GNGT1: variants seen among roughly 807,000 people sequenced by gnomAD.
The protein encoded by GNGT1 is guanine nucleotide-binding protein G(T) subunit gamma-T1.
In GNGT1, 4 loss-of-function variants were observed where a neutral mutation model predicts 7.4. That is an observed-to-expected ratio of 0.54 (90% CI 0.27 to 1.24). The LOEUF (loss-of-function observed/expected upper bound fraction) is 1.24. Among genes scored for constraint, GNGT1 ranks in the 50% most tolerant of loss-of-function variants. The pLI is 0.12. For missense variants in GNGT1, 95 were observed against 82.4 expected (o/e 1.15, Z -0.59); for synonymous variants, 37 against 30.2 (o/e 1.23, Z -0.74).
Position 93,911,100 on chromosome 7 carries a change from C to T in GNGT1, c.*182C>T. 2.8e-6 allele frequency: 1 copy of T among 354,744 alleles called. No individual in the cohort carries two copies. The highest frequency in any genetic ancestry group is 5.1e-6 in the Non-Finnish European group (1 of 194,874). The allele number at this position is 354,744 out of a possible 1,614,324, so 22.0% of individuals were successfully genotyped here. On this transcript the variant is annotated 3_prime_UTR_variant, in exon 3 of 3. Transcript: ENST00000248572. Reference sequence around the variant, plus strand: ...ACCCATCATTCTATGTTTTTCTTAACATAGCTGGCACAGGGTTTAACACAT... The same window carrying T: ...ACCCATCATTCTATGTTTTTCTTAATATAGCTGGCACAGGGTTTAACACAT...
In GNGT1 at chr7:93,906,608, T is replaced by C; in HGVS notation, c.-48T>C. ...AGAGCTCATATGAAATTGGTTATCG[T>C]GGGATATTTAAAATAAAACAAAGAA... is the stretch of plus-strand genomic sequence containing the variant. On this transcript the variant is annotated 5_prime_UTR_variant, in exon 1 of 3. Coordinates refer to ENST00000248572, the MANE Select transcript of GNGT1 (RefSeq NM_021955.5). 2 of 636,938 alleles carry C rather than the reference T, an allele frequency of 3.1e-6. No individual in the cohort carries two copies. Among genetic ancestry groups the C allele is most frequent in the Admixed American group, 3.4e-5 (1 of 29,596 alleles). The allele number at this position is 636,938 out of a possible 1,614,324, so 39.5% of individuals were successfully genotyped here. A position where few individuals can be genotyped will look rare whatever the true frequency, so the allele number is the denominator to read the frequency against.
chr7:93,908,637 T>G (rs1794413106), intron 2 of GNGT1, among the ~76,000 whole-genome samples: 2 of 151,520 alleles, frequency 1.3e-5, no homozygotes, highest in South Asian at 4.1e-4. Context: ...ATGTAATATA[T>G]AGAAATATTA....
intron 2 of GNGT1, 175 bp from the exon 3 acceptor site, chr7:93,910,615 A>T (rs529945599): frequency 6.6e-5 from 23 of 347,976 alleles, no homozygotes; most frequent in Non-Finnish European, 1.1e-4. Context: ...ATCCAGAAGG[A>T]GTGGGAAGGG....
chr7:93,907,701 A>G (rs1465972792), intron 2 of GNGT1, among the ~76,000 whole-genome samples: 1 of 152,216 alleles, frequency 6.6e-6, no homozygotes, highest in African/African-American at 2.4e-5. Context: ...TCATAATTTT[A>G]AAACATCTCA....
intron 2 of GNGT1, chr7:93,909,372 C>T: frequency 3.4e-6 from 2 of 584,892 alleles, no homozygotes; most frequent in African/African-American, 3.7e-5. Flanking sequence ...GTCTTGCAAT[C>T]CTATGTTAAA....
intron 2 of GNGT1, chr7:93,910,264 T>C (rs1378272607): frequency 6.6e-6 from 1 of 152,228 alleles, no homozygotes; most frequent in Non-Finnish European, 1.5e-5. Flanking sequence ...ACTGAACAAA[T>C]CAGCCAAAGG....
intron 2 of GNGT1, chr7:93,909,979 G>C (rs1400552875): frequency 6.5e-6 from 1 of 154,132 alleles, no homozygotes; most frequent in Non-Finnish European, 1.4e-5. Flanking sequence ...GAAGCTAAAA[G>C]AGTTTGAATA....
Position 93,910,828 on chromosome 7 carries a change from AG to A in GNGT1, c.136del (p.Glu46AsnfsTer9). 1 of 1,606,926 alleles carries A rather than the reference AG, an allele frequency of 6.2e-7. No individual in the cohort carries two copies. The highest frequency in any genetic ancestry group is 8.5e-7 in the Non-Finnish European group (1 of 1,175,208). ...CCEEVRDYVE[E>X]RSGEDPLVKG... ...GTGAAGAAGTAAGAGATTACGTTGA[AG>A]AACGATCTGGCGAGGATCCACTGGT... On this transcript the variant is annotated frameshift_variant, in exon 3 of 3. Coordinates refer to ENST00000248572, the MANE Select transcript of GNGT1 (RefSeq NM_021955.5). LOFTEE classifies it high-confidence loss of function.
intron 2 of GNGT1, 118 bp downstream of exon 2, chr7:93,906,960 A>C: frequency 1.8e-6 from 1 of 545,148 alleles, no homozygotes; most frequent in Non-Finnish European, 3.2e-6. Context: ...TTCATCTAAA[A>C]ATTTATCAAA....
chr7:93,910,028 A>G (rs766774680), intron 2 of GNGT1: 4 of 152,698 alleles, frequency 2.6e-5, no homozygotes, highest in Non-Finnish European at 5.8e-5. Context: ...GTATATTTAT[A>G]TATGTATAGA....
Position 93,910,945 on chromosome 7 carries a change from CAAATTCTTGG to C in GNGT1, c.*32_*41del. 1 of 1,498,552 alleles carries C rather than the reference CAAATTCTTGG, an allele frequency of 6.7e-7. No individual in the cohort carries two copies. The highest frequency in any genetic ancestry group is 9.0e-7 in the Non-Finnish European group (1 of 1,107,070). 92.8% of individuals were successfully genotyped at this position (1,498,552 alleles called of 1,614,324 possible). Reference sequence around the variant, plus strand: ...ACAAACAAAAAGAAAAAAAATTAAACAAATTCTTGGAAATATCTCAAATGTTAATAACAAT... The same window carrying C: ...ACAAACAAAAAGAAAAAAAATTAAACAAATATCTCAAATGTTAATAACAAT... On this transcript the variant is annotated 3_prime_UTR_variant, in exon 3 of 3. Transcript: ENST00000248572.
Position 93,906,811 on chromosome 7 carries a change from T to C in GNGT1, c.65T>C (p.Leu22Pro). The C allele has an allele frequency of 6.2e-7, 1 of 1,602,940 alleles. No individual in the cohort carries two copies. Among genetic ancestry groups the C allele is most frequent in the Non-Finnish European group, 8.5e-7 (1 of 1,173,996 alleles). Residue 22 changes from leucine to proline, a missense_variant, in exon 2 of 3, where the codon CTC (leucine) becomes CCC (proline). Physicochemically the swap from Leu to Pro is moderately conservative, Grantham distance 98. Transcript: ENST00000248572. Reference sequence around the variant, plus strand: ...AAATTGAAGATGGAAGTTGACCAGCTCAAGAAAGAAGTGACACTGGAAAGA... The same window carrying C: ...AAATTGAAGATGGAAGTTGACCAGCCCAAGAAAGAAGTGACACTGGAAAGA... Reference protein sequence around the residue: ...KDKLKMEVDQLKKEVTLERML... With the variant: ...KDKLKMEVDQPKKEVTLERML...
intron 1 of GNGT1, 34 bp downstream of exon 1, chr7:93,906,678 A>G (rs1794378072): frequency 1.2e-6 from 1 of 867,834 alleles, no homozygotes; most frequent in Admixed American, 2.1e-5. Context: ...GTTGGCTAAG[A>G]CTGACTTGAA....
chr7:93,909,846 GAA>G (rs34908558), intron 2 of GNGT1: 2,744 of 150,268 alleles, frequency 0.018, 37 homozygotes, highest in Non-Finnish European at 0.023. Flanking sequence ...GATTTCATTT[GAA>G]AAAAAAAAAA....
chr7:93,906,883 G>A (rs1794382260), intron 2 of GNGT1, 41 bp downstream of exon 2: 4 of 1,120,002 alleles, frequency 3.6e-6, no homozygotes, highest in Non-Finnish European at 5.3e-6. Context: ...TTAAGCTAGA[G>A]ATACTGTGGG....
rs1794460569 is a variant in GNGT1 at position 93,911,075 on chromosome 7, AC to A, written c.*160del. ...TTTTAATAAAAATTGGGGTGTGGTA[AC>A]CCATCATTCTATGTTTTTCTTAACA... On this transcript the variant is annotated 3_prime_UTR_variant, in exon 3 of 3. Coordinates refer to ENST00000248572, the MANE Select transcript of GNGT1 (RefSeq NM_021955.5). The A allele has an allele frequency of 2.4e-6, 1 of 418,094 alleles. No homozygotes were observed. The highest frequency in any genetic ancestry group is 2.0e-5 in the African/African-American group (1 of 49,070). The allele number at this position is 418,094 out of a possible 1,614,324, so 25.9% of individuals were successfully genotyped here.
Position 93,908,417 on chromosome 7 carries a change from C to T in GNGT1, c.96+1575C>T, listed in dbSNP as rs143631694. ...AGACATCAGCAGATTCAGCGTCTGG[C>T]GAGGGCCTGCTCCCTCCTTCATGAA... On this transcript the variant is annotated intron_variant, in intron 2 of 2. Coordinates refer to ENST00000248572, the MANE Select transcript of GNGT1 (RefSeq NM_021955.5). Among the ~76,000 whole-genome samples the T allele has an allele frequency of 5.5e-3, 832 of 151,710 alleles. 4 individuals carry two copies. Among genetic ancestry groups the T allele is most frequent in the African/African-American group, 0.019 (776 of 41,376 alleles).
chr7:93,910,013 T>C (rs181831313), intron 2 of GNGT1: 2 of 153,482 alleles, frequency 1.3e-5, no homozygotes, highest in African/African-American at 4.8e-5. Context: ...TGTATGTATA[T>C]ATATGTATAT....
chr7:93,908,083 T>A (rs1794403648), intron 2 of GNGT1, among the ~76,000 whole-genome samples: 1 of 152,226 alleles, frequency 6.6e-6, no homozygotes. Flanking sequence ...ATTATTCACT[T>A]GTGGTAAGTT....
Sources: gnomAD v4.1 joint callset for allele counts (sites outside exome capture counted in the v4.1 genomes callset) on GRCh38, gnomAD v4.1.1 for gene constraint, MANE v1.5 for transcripts, NCBI Gene and HGNC (gene_info 2026-07-23, HGNC 2026-07-21) for gene names.